Variants in UST observed in about 807,000 individuals in gnomAD.
The protein encoded by UST is chondroitin sulfate 2-O-sulfotransferase.
Under a neutral mutation model 45.6 loss-of-function variants are expected in UST, and 21 were observed. The observed-to-expected ratio is 0.46, with a 90% CI of 0.33 to 0.66. UST has a LOEUF of 0.66. Ranked by LOEUF, UST falls within the 30% of genes least tolerant of loss-of-function variation. The pLI is 0.02. For synonymous variants in UST, 215 were observed against 200.6 expected (o/e 1.07, Z -0.61); for missense variants, 463 against 512.4 (o/e 0.90, Z 0.93).
intron 1 of UST, among the ~76,000 whole-genome samples, chr6:148,833,326 AAT>A (rs1777725743): frequency 6.6e-6 from 1 of 152,130 alleles, no homozygotes; most frequent in Non-Finnish European, 1.5e-5. Flanking sequence ...GTCTCTCCAA[AAT>A]ATACAAAAAT....
At chr6:148,982,369 G>A (rs1001429398) in intron 5 of UST, among the ~76,000 whole-genome samples, 1 of 152,104 alleles carries the variant, frequency 6.6e-6, no homozygotes, top group African/African-American at 2.4e-5. Context: ...AAAGTGCTGG[G>A]ATTACTGGCA....
At chr6:149,062,002 CA>C (rs1776661426) in intron 7 of UST, among the ~76,000 whole-genome samples, 1 of 152,220 alleles carries the variant, frequency 6.6e-6, no homozygotes, top group Non-Finnish European at 1.5e-5. Flanking sequence ...TTTTACCCAA[CA>C]GTGTTTGAAT....
intron 2 of UST, among the ~76,000 whole-genome samples, chr6:148,916,223 G>A (rs1482328890): frequency 1.3e-5 from 2 of 152,168 alleles, no homozygotes; most frequent in African/African-American, 2.4e-5. Flanking sequence ...GTTATTACTA[G>A]CCATTTTACG....
chr6:149,020,293 C>T (rs1051012055), intron 6 of UST, among the ~76,000 whole-genome samples: 1 of 152,094 alleles, frequency 6.6e-6, no homozygotes, highest in African/African-American at 2.4e-5. Flanking sequence ...CCCCTGAGTC[C>T]AGGTGGCCTC....
chr6:148,984,298 T>C (rs921119596), intron 5 of UST, among the ~76,000 whole-genome samples: 28 of 152,224 alleles, frequency 1.8e-4, no homozygotes, highest in African/African-American at 6.0e-4. Flanking sequence ...TAAACAAGTA[T>C]TGGGAGAGAT....
chr6:149,044,334 G>A (rs1776366849), intron 7 of UST, among the ~76,000 whole-genome samples: 2 of 152,004 alleles, frequency 1.3e-5, no homozygotes, highest in South Asian at 4.2e-4. Context: ...AAAAACTCTT[G>A]TCAGTGTCTG....
At chr6:148,780,346 G>A (rs1776620542) in intron 1 of UST, among the ~76,000 whole-genome samples, 1 of 152,018 alleles carries the variant, frequency 6.6e-6, no homozygotes, top group South Asian at 2.1e-4. Flanking sequence ...GTAAACGCGT[G>A]TCATGGGAGT....
At chr6:149,043,783 A>G (rs1488606005) in intron 7 of UST, among the ~76,000 whole-genome samples, 1 of 152,252 alleles carries the variant, frequency 6.6e-6, no homozygotes, top group Non-Finnish European at 1.5e-5. Flanking sequence ...TGGCTCTGCC[A>G]TGCTTCTATA....
intron 1 of UST, among the ~76,000 whole-genome samples, chr6:148,816,587 CA>C (rs1394499133): frequency 6.6e-6 from 1 of 151,984 alleles, no homozygotes; most frequent in Non-Finnish European, 1.5e-5. Flanking sequence ...TCTGAGAAAC[CA>C]AAACCCAACA....
chr6:148,880,992 G>A (rs1050728282), intron 1 of UST, among the ~76,000 whole-genome samples: 2 of 151,314 alleles, frequency 1.3e-5, no homozygotes, highest in African/African-American at 2.4e-5. Context: ...TCACACCACT[G>A]CACTCCAGCC....
Position 149,074,023 on chromosome 6 carries a change from C to T in UST, c.1128C>T (p.His376=). ...TCAGCAAGCCCCCCCTGAGGCCACA[C>T]TTCTTTATCCCAACTCCACTGGAAA... ...SHVSKPPLRP[H]FFIPTPLETE... Residue 376 remains histidine, a synonymous_variant, in exon 8 of 8, where the codon CAC becomes CAT. Transcript: ENST00000367463. 2 of 1,614,208 alleles carry T rather than the reference C, an allele frequency of 1.2e-6. No individual in the cohort carries two copies. Among genetic ancestry groups the T allele is most frequent in the Non-Finnish European group, 1.7e-6 (2 of 1,180,032 alleles).
intron 1 of UST, among the ~76,000 whole-genome samples, chr6:148,776,984 C>T (rs892681436): frequency 2.0e-5 from 3 of 152,208 alleles, no homozygotes; most frequent in African/African-American, 7.2e-5. Flanking sequence ...GTCGTAGCAG[C>T]TCTCCATCCC....
intron 1 of UST, among the ~76,000 whole-genome samples, chr6:148,864,313 A>C (rs1778383031): frequency 6.6e-6 from 1 of 152,134 alleles, no homozygotes; most frequent in Non-Finnish European, 1.5e-5. Context: ...CAGGCGTGGG[A>C]TGTAATCTCC....
chr6:148,859,262 A>C (rs1562279392), intron 1 of UST, among the ~76,000 whole-genome samples: 2 of 152,126 alleles, frequency 1.3e-5, no homozygotes, highest in Non-Finnish European at 2.9e-5. Context: ...GGATATTTTC[A>C]TGTGTCTGTT....
At chr6:148,970,327 T>C (rs1780889565) in intron 5 of UST, among the ~76,000 whole-genome samples, 2 of 152,166 alleles carry the variant, frequency 1.3e-5, no homozygotes, top group African/African-American at 2.4e-5. Flanking sequence ...GTGTAGTGTG[T>C]AGCAGGTTAG....
chr6:149,033,734 T>C (rs1354359247), intron 7 of UST, among the ~76,000 whole-genome samples: 1 of 152,240 alleles, frequency 6.6e-6, no homozygotes, highest in African/African-American at 2.4e-5. Context: ...TTCTGCTGCA[T>C]TGTCAACCAG....
chr6:148,814,769 G>T (rs564667525), intron 1 of UST, among the ~76,000 whole-genome samples: 4 of 152,284 alleles, frequency 2.6e-5, no homozygotes, highest in Admixed American at 6.5e-5. Flanking sequence ...AGCACAACAG[G>T]ATCTGAATGG....
At chr6:149,010,913 A>AAAAACAAAAC (rs1554234082) in intron 5 of UST, among the ~76,000 whole-genome samples, 2 of 92,968 alleles carry the variant, frequency 2.2e-5, no homozygotes, top group Admixed American at 1.3e-4. Flanking sequence ...AAAAAAAAAA[A>AAAAACAAAAC]AAAAAACTGT....
chr6:148,890,643 A>C (rs999656882), intron 2 of UST, among the ~76,000 whole-genome samples: 1 of 152,194 alleles, frequency 6.6e-6, no homozygotes, highest in Non-Finnish European at 1.5e-5. Context: ...GGTGTGCCAC[A>C]CAACACATAC....
Sources: gnomAD v4.1 joint callset for allele counts (sites outside exome capture counted in the v4.1 genomes callset) on GRCh38, gnomAD v4.1.1 for gene constraint, MANE v1.5 for transcripts, NCBI Gene and HGNC (gene_info 2026-07-23, HGNC 2026-07-21) for gene names.